TAF6: variants seen among roughly 807,000 people sequenced by gnomAD.
TAF6 encodes the protein TATA-box binding protein associated factor 6, also known as transcription initiation factor TFIID subunit 6.
Under a neutral mutation model 73.5 loss-of-function variants are expected in TAF6, and 50 were observed. That is an observed-to-expected ratio of 0.68 (90% CI 0.54 to 0.86). The LOEUF (loss-of-function observed/expected upper bound fraction) is 0.86, where lower values mean the gene tolerates loss of function less well. TAF6 is among the 40% of genes least tolerant of loss of function. The probability of loss-of-function intolerance (pLI) is 0.00; values close to 1 mark genes in which losing one functional copy is unlikely to be tolerated. For missense variants in TAF6, 768 were observed against 899.5 expected (o/e 0.85, Z 1.87); for synonymous variants, 424 against 376.7 (o/e 1.13, Z -1.45).
At chr7:100,119,932 G>A (rs1481277037), upstream of TAF6, 13 of 1,422,880 alleles carry the variant, frequency 9.1e-6, no homozygotes, top group Middle Eastern at 2.3e-4. Context: ...GGACATCCTA[G>A]CCTGTATTGG....
At position 100,110,229 on chromosome 7, in the gene TAF6, T is replaced by C. The variant is rs1797043889; in HGVS notation, c.1129A>G (p.Ile377Val). 3 of 1,614,054 alleles carry C rather than the reference T, an allele frequency of 1.9e-6. No individual in the cohort carries two copies. In the Admixed American group the frequency reaches 5.0e-5, roughly 27 times the overall value. Residue 377 changes from isoleucine (I) to valine (V), a missense_variant, in exon 11 of 15, where the codon ATC becomes GTC. Coordinates refer to ENST00000453269, the MANE Select transcript of TAF6 (RefSeq NM_139315.3). ...KTPWTTRYGS[I>V]AGLAELGHDV... Reference sequence around the variant, plus strand: ...TGTCCCAGCTCAGCCAAGCCTGCGATGGAGCCATAACGAGTCGTCCAGGGC... The same window carrying C: ...TGTCCCAGCTCAGCCAAGCCTGCGACGGAGCCATAACGAGTCGTCCAGGGC...
At position 100,108,133 on chromosome 7, in the gene TAF6, G is replaced by A. The variant is rs765852927; in HGVS notation, c.1459-10C>T. On this transcript the variant is annotated splice_polypyrimidine_tract_variant and intron_variant, in intron 13 of 14. Transcript: ENST00000453269. ...TCAGCGTGGGCCGGGGCTGCGGGGA[G>A]AAGAGGAAAGGGGGAAGTGGCACCA... 1.8e-5 allele frequency: 29 copies of A among 1,586,406 alleles called. No homozygotes were observed. In the South Asian group the frequency reaches 3.0e-4, roughly 16 times the overall value.
upstream of TAF6, chr7:100,121,928 TA>T: frequency 4.2e-6 from 1 of 236,352 alleles, no homozygotes. Flanking sequence ...TGGGTGCCTG[TA>T]GTCCCAGCTA....
Position 100,108,551 on chromosome 7 carries a change from GAAAA to G in TAF6, c.1285-15_1285-12del, listed in dbSNP as rs934943423. 19 of 1,582,426 alleles carry G rather than the reference GAAAA, an allele frequency of 1.2e-5. No homozygotes were observed. The Admixed American group carries it at 2.3e-4, about 19-fold the overall frequency. ...AGGAGCACAGTGTTTCTGCAGAACA[GAAAA>G]AAAGCCAGGTAGAGGGAGGGCTGGG... On this transcript the variant is annotated splice_polypyrimidine_tract_variant and intron_variant, in intron 12 of 14. Transcript: ENST00000453269.
intron 12 of TAF6, chr7:100,109,173 A>G (rs1280902842): frequency 6.6e-6 from 1 of 151,334 alleles, no homozygotes; most frequent in Non-Finnish European, 1.5e-5. Context: ...AAATACAAAA[A>G]ATTAGCCAGG....
chr7:100,111,345 C>G (rs1797164451), intron 9 of TAF6, 24 bp from the exon 10 acceptor site: 2 of 1,601,018 alleles, frequency 1.2e-6, no homozygotes, highest in South Asian at 2.2e-5. Flanking sequence ...GGCGGGACAG[C>G]TGATTCTGGT....
Position 100,111,261 on chromosome 7 carries a change from G to C in TAF6, c.961C>G (p.Pro321Ala). 2 of 1,614,246 alleles carry C rather than the reference G, an allele frequency of 1.2e-6. No homozygotes were observed. Among genetic ancestry groups the C allele is most frequent in the Non-Finnish European group, 1.7e-6 (2 of 1,180,046 alleles). ...AGTGCCCAGTGATTGTCCACATCTGGTCGCAGGCACAACTGTCTGCTCACG... is the reference window on the plus strand; with the variant it reads ...AGTGCCCAGTGATTGTCCACATCTGCTCGCAGGCACAACTGTCTGCTCACG... ...CIVSRQLCLR[P>A]DVDNHWALRD... The change falls in exon 10 of 15, where the codon CCA (proline) becomes GCA (alanine). Residue 321 changes from proline (P) to alanine (A), a missense_variant. Pro to Ala is a conservative substitution (Grantham distance 27). This residue lies in a region of TAF6 where 78 missense variants were observed against 153.4 expected (regional missense o/e 0.51). Transcript: ENST00000453269.
At chr7:100,119,434 G>A (rs746414633), upstream of TAF6, 23 of 1,248,750 alleles carry the variant, frequency 1.8e-5, no homozygotes, top group Non-Finnish European at 6.0e-6. Flanking sequence ...AGTCCTCTAG[G>A]CTCGCAGAAT....
upstream of TAF6, among the ~76,000 whole-genome samples, chr7:100,120,931 T>A (rs1798020262): frequency 6.6e-6 from 1 of 151,832 alleles, no homozygotes; most frequent in African/African-American, 2.4e-5. Flanking sequence ...CTGTCTATAT[T>A]GTTAGTATGC....
upstream of TAF6, chr7:100,124,590 A>G: frequency 6.2e-7 from 1 of 1,612,996 alleles, no homozygotes; most frequent in Non-Finnish European, 8.5e-7. Context: ...CCCCTACAAA[A>G]TTTTCTCTGT....
At chr7:100,126,042 C>A in the TAF6 span, among the ~76,000 whole-genome samples, 2 of 152,048 alleles carry the variant, frequency 1.3e-5, no homozygotes, top group Non-Finnish European at 2.9e-5. Flanking sequence ...AAAAATTAGC[C>A]GGGTGTGGTG....
chr7:100,112,784 C>T lies in TAF6; in HGVS notation c.574+14G>A, dbSNP rs1458949927. The T allele has an allele frequency of 3.7e-6, 6 of 1,606,956 alleles. No homozygotes were observed. The Admixed American group carries it at 1.0e-4, about 27-fold the overall frequency. On this transcript the variant is annotated intron_variant, in intron 6 of 14. Coordinates refer to ENST00000453269, the MANE Select transcript of TAF6 (RefSeq NM_139315.3). Reference sequence around the variant, plus strand: ...GGGCAAGAGTCCAGAGAGGCCTAGCCTAGGAGGACTGACCTTTGCCGTCGG... The same window carrying T: ...GGGCAAGAGTCCAGAGAGGCCTAGCTTAGGAGGACTGACCTTTGCCGTCGG...
rs780221705 is a variant in TAF6, at chr7:100,114,253, T to G, written c.-44A>C. On this transcript the variant is annotated 5_prime_UTR_variant, in exon 2 of 15. Coordinates refer to ENST00000453269, the MANE Select transcript of TAF6 (RefSeq NM_139315.3). ...CTCCCTGGAAGGATGAAGCCCCCGG[T>G]GGAGAGACGGAGACCCTGGCAGAGG... The G allele has an allele frequency of 9.3e-6, 15 of 1,613,562 alleles. No homozygotes were observed. Among genetic ancestry groups the G allele is most frequent in the Non-Finnish European group, 1.3e-5 (15 of 1,179,994 alleles).
At chr7:100,122,550 G>C, upstream of TAF6, 1 of 1,612,486 alleles carries the variant, frequency 6.2e-7, no homozygotes, top group Non-Finnish European at 8.5e-7. Context: ...TTCACGCTGA[G>C]CGCAAGGGCT....
At chr7:100,118,870 CG>C (rs1797903724) in intron 1 of TAF6, 2 of 985,204 alleles carry the variant, frequency 2.0e-6, no homozygotes, top group Non-Finnish European at 1.2e-6. Flanking sequence ...CACAACTATT[CG>C]AGACATACTC....
intron 4 of TAF6, 53 bp downstream of exon 4, chr7:100,113,563 A>G: frequency 6.3e-7 from 1 of 1,599,516 alleles, no homozygotes; most frequent in Non-Finnish European, 8.5e-7. Context: ...ACACCTACAC[A>G]CATCTGTCCT....
chr7:100,111,967 T>G lies in TAF6; in HGVS notation c.753A>C (p.Gly251=). 1 of 1,613,324 alleles carries G rather than the reference T, an allele frequency of 6.2e-7. No individual in the cohort carries two copies. The highest frequency in any genetic ancestry group is 8.5e-7 in the Non-Finnish European group (1 of 1,179,894). Residue 251 remains glycine (G), a synonymous_variant, in exon 8 of 15, where the codon GGA becomes GGC. Transcript: ENST00000453269. ...TGAACCGTGGCAGCATCTGATACAGTCCAGGGTCCGTGGCAATGCTTTGCA... is the reference window on the plus strand; with the variant it reads ...TGAACCGTGGCAGCATCTGATACAGGCCAGGGTCCGTGGCAATGCTTTGCA... ...EALQSIATDP[G]LYQMLPRFST... is the part of the protein sequence containing the mutation.
upstream of TAF6, chr7:100,121,960 G>C (rs1798086107): frequency 7.0e-6 from 2 of 285,484 alleles, no homozygotes; most frequent in Non-Finnish European, 1.4e-5. Flanking sequence ...TGAGGCAGGA[G>C]AATGGCGTGA....
intron 5 of TAF6, 45 bp from the exon 6 acceptor site, chr7:100,112,962 G>T: frequency 2.1e-6 from 3 of 1,462,296 alleles, no homozygotes; most frequent in Non-Finnish European, 2.7e-6. Context: ...GAGCATAGTA[G>T]AAAAGTAAAA....
Sources: allele counts gnomAD v4.1 joint callset (sites outside exome capture counted in the v4.1 genomes callset), GRCh38; gene constraint gnomAD v4.1.1; regional missense constraint gnomAD v4.1.1; transcripts MANE v1.5; gene names NCBI Gene and HGNC (gene_info 2026-07-23, HGNC 2026-07-21).